RNF185: variants seen among roughly 807,000 people sequenced by gnomAD.
RNF185 encodes E3 ubiquitin-protein ligase RNF185.
In RNF185, 13 loss-of-function variants were observed where a neutral mutation model predicts 24.9. The ratio of observed to expected loss-of-function variants is 0.52; its 90% confidence interval spans 0.34 to 0.83. The LOEUF (loss-of-function observed/expected upper bound fraction) is 0.83, where lower values mean the gene tolerates loss of function less well. Ranked by LOEUF, RNF185 falls within the 40% of genes least tolerant of loss-of-function variation. The pLI, the probability that RNF185 is intolerant of heterozygous loss-of-function variation, is 0.01. For missense variants in RNF185, 184 were observed against 244.7 expected, an observed-to-expected ratio of 0.75 and a Z score of 1.65; for synonymous variants, 79 against 90.3, an observed-to-expected ratio of 0.88 and a Z score of 0.71.
chr22:31,176,083 C>G (rs1264177034), intron 1 of RNF185, among the ~76,000 whole-genome samples: 1 of 151,908 alleles, frequency 6.6e-6, no homozygotes, highest in African/African-American at 2.4e-5. Context: ...TGAGTATTAA[C>G]AGAGTACTCA....
intron 1 of RNF185, among the ~76,000 whole-genome samples, chr22:31,169,720 T>TA: frequency 6.6e-6 from 1 of 152,188 alleles, no homozygotes; most frequent in African/African-American, 2.4e-5. Flanking sequence ...CTAATTTTTG[T>TA]ATTTTTTTGT....
intron 1 of RNF185, among the ~76,000 whole-genome samples, chr22:31,176,350 C>A (rs1312368224): frequency 1.3e-5 from 2 of 151,528 alleles, no homozygotes; most frequent in Admixed American, 1.3e-4. Flanking sequence ...TGTCAGACTC[C>A]CAGCTGCTCC....
chr22:31,198,314 G>A (rs2048226364), intron 5 of RNF185, among the ~76,000 whole-genome samples: 1 of 150,940 alleles, frequency 6.6e-6, no homozygotes, highest in African/African-American at 2.4e-5. Context: ...ATTGTAATTT[G>A]GGTTTTCCTC....
intron 1 of RNF185, among the ~76,000 whole-genome samples, chr22:31,186,786 A>G (rs188220471): frequency 1.3e-5 from 2 of 152,288 alleles, no homozygotes; most frequent in Non-Finnish European, 1.5e-5. Flanking sequence ...GTTCCTGTGG[A>G]GAACCATCTG....
chr22:31,164,879 C>T (rs899651878), intron 1 of RNF185, among the ~76,000 whole-genome samples: 3 of 151,752 alleles, frequency 2.0e-5, no homozygotes, highest in Admixed American at 6.6e-5. Context: ...CCACCACACC[C>T]GGCCTGCATT....
intron 2 of RNF185, among the ~76,000 whole-genome samples, chr22:31,190,382 G>A (rs923257598): frequency 6.6e-6 from 1 of 152,070 alleles, no homozygotes; most frequent in Non-Finnish European, 1.5e-5. Context: ...TGCCTCCCAG[G>A]TTCAAACGAT....
chr22:31,201,679 G>A, intron 6 of RNF185, 64 bp downstream of exon 6: 1 of 1,143,316 alleles, frequency 8.7e-7, no homozygotes, highest in Non-Finnish European at 1.3e-6. Context: ...AAAGCTCCTT[G>A]GAATTCAGCA....
intron 1 of RNF185, among the ~76,000 whole-genome samples, chr22:31,179,399 G>A (rs1372323788): frequency 6.6e-6 from 1 of 152,174 alleles, no homozygotes; most frequent in Middle Eastern, 3.2e-3. Flanking sequence ...CCTGTGCATA[G>A]GTGTAGGAGA....
At chr22:31,199,709 C>T (rs2048242216) in intron 5 of RNF185, among the ~76,000 whole-genome samples, 3 of 152,188 alleles carry the variant, frequency 2.0e-5, no homozygotes, top group Non-Finnish European at 4.4e-5. Context: ...TCCCAGGAGC[C>T]ATTAGATTCA....
chr22:31,181,174 T>A (rs1177166190), intron 1 of RNF185, among the ~76,000 whole-genome samples: 1 of 151,658 alleles, frequency 6.6e-6, no homozygotes, highest in East Asian at 1.9e-4. Context: ...ATAGACCTTG[T>A]TTCTACAAAA....
intron 2 of RNF185, among the ~76,000 whole-genome samples, chr22:31,189,245 C>T (rs1305612569): frequency 7.8e-6 from 1 of 128,556 alleles, no homozygotes; most frequent in African/African-American, 2.9e-5. Flanking sequence ...TATATATTAA[C>T]TATACATATA....
At chr22:31,170,460 A>T (rs2047917731) in intron 1 of RNF185, among the ~76,000 whole-genome samples, 1 of 152,128 alleles carries the variant, frequency 6.6e-6, no homozygotes, top group Admixed American at 6.6e-5. Flanking sequence ...AAGTGCTGGG[A>T]TTACAGGCAT....
Position 31,187,119 on chromosome 22 carries a change from T to G in RNF185, c.25T>G (p.Ser9Ala), listed in dbSNP as rs373919009. MASKGPSA[S>A]ASPENSSAGG... ...GATGGCAAGCAAGGGGCCCTCGGCC[T>G]CTGCATCTCCTGAGAACTCCAGTGC... Residue 9 changes from serine to alanine, a missense_variant, in exon 2 of 7, where the codon TCT (serine) becomes GCT (alanine). Ser to Ala is a moderately conservative substitution (Grantham distance 99). Coordinates refer to ENST00000326132, the MANE Select transcript of RNF185 (RefSeq NM_152267.4). 69 of 1,608,848 alleles carry G rather than the reference T, an allele frequency of 4.3e-5. No individual in the cohort carries two copies. The highest frequency in any genetic ancestry group is 5.6e-5 in the Non-Finnish European group (66 of 1,178,008).
At chr22:31,186,523 A>G (rs531079280) in intron 1 of RNF185, among the ~76,000 whole-genome samples, 1 of 152,248 alleles carries the variant, frequency 6.6e-6, no homozygotes, top group Non-Finnish European at 1.5e-5. Flanking sequence ...AATCACTTGA[A>G]CCTGGGAGGC....
intron 1 of RNF185, among the ~76,000 whole-genome samples, chr22:31,170,144 C>T (rs1447457959): frequency 6.6e-6 from 1 of 152,110 alleles, no homozygotes; most frequent in African/African-American, 2.4e-5. Flanking sequence ...AATTGCTCCT[C>T]AGAAGTGCCT....
intron 1 of RNF185, among the ~76,000 whole-genome samples, chr22:31,178,943 G>T (rs549944395): frequency 6.6e-6 from 1 of 152,336 alleles, no homozygotes; most frequent in South Asian, 2.1e-4. Context: ...GTGTTAGGAA[G>T]TCTGAATTTG....
chr22:31,171,336 A>ATT (rs759793719), intron 1 of RNF185, among the ~76,000 whole-genome samples: 2 of 136,844 alleles, frequency 1.5e-5, no homozygotes, highest in Admixed American at 7.3e-5. Context: ...TGACCAGCTA[A>ATT]TTTTTTTTTT....
chr22:31,194,087 G>A (rs1050029573), intron 3 of RNF185, among the ~76,000 whole-genome samples: 14 of 151,228 alleles, frequency 9.3e-5, no homozygotes, highest in African/African-American at 3.4e-4. Context: ...TAGAGACAAC[G>A]GAGTTTCACC....
At chr22:31,173,692 G>A (rs754939338) in intron 1 of RNF185, among the ~76,000 whole-genome samples, 9 of 152,148 alleles carry the variant, frequency 5.9e-5, no homozygotes, top group Non-Finnish European at 1.2e-4. Flanking sequence ...TTTACCTAAA[G>A]GCAGGCCATA....
Sources: allele counts gnomAD v4.1 joint callset (sites outside exome capture counted in the v4.1 genomes callset), GRCh38; gene constraint gnomAD v4.1.1; transcripts MANE v1.5; gene names NCBI Gene and HGNC (gene_info 2026-07-23, HGNC 2026-07-21).